The following DNAH9 variants were observed in gnomAD, a reference collection of about 807,000 sequenced individuals.
DNAH9 encodes the protein dynein axonemal heavy chain 9.
Under a neutral mutation model 471.6 loss-of-function variants are expected in DNAH9, and 345 were observed. That is an observed-to-expected ratio of 0.73 (90% CI 0.67 to 0.80). DNAH9 has a LOEUF of 0.80. Among genes scored for constraint, DNAH9 ranks in the 30% least tolerant of loss-of-function variants. DNAH9 has a pLI of 0.00. For synonymous variants in DNAH9, 2,093 were observed against 2,123.6 expected (o/e 0.99, Z 0.40); for missense variants, 5,407 against 5,609.2 (o/e 0.96, Z 1.15).
In DNAH9 at chr17:11,809,423, C is replaced by T. The variant is rs896827998; in HGVS notation, c.8584-823C>T. ...TACAACAAAAATACAAAAAATTAGC[C>T]GGGCGTTGTGGCACGCACCTGTAGA... is the stretch of plus-strand genomic sequence containing the variant. On this transcript the variant is annotated intron_variant, in intron 44 of 68. Coordinates refer to ENST00000262442, the MANE Select transcript of DNAH9 (RefSeq NM_001372.4). Among the ~76,000 whole-genome samples the T allele has an allele frequency of 1.5e-3, 225 of 151,918 alleles. 7 individuals carry two copies. The highest frequency in any genetic ancestry group is 0.014 in the Admixed American group (220 of 15,240).
chr17:11,665,100 C>A, intron 15 of DNAH9, 132 bp downstream of exon 15: 1 of 742,224 alleles, frequency 1.3e-6, no homozygotes, highest in Non-Finnish European at 2.2e-6. Flanking sequence ...GTGAATGATG[C>A]ACAGGAAAAC....
intron 45 of DNAH9, among the ~76,000 whole-genome samples, chr17:11,812,841 A>G (rs983711882): frequency 1.4e-4 from 22 of 152,186 alleles, no homozygotes; most frequent in African/African-American, 5.3e-4. Flanking sequence ...AATCTACAAC[A>G]TAGCCTCATC....
chr17:11,611,744 C>A lies in DNAH9; in HGVS notation c.868C>A (p.Pro290Thr). 6.2e-7 allele frequency: 1 copy of A among 1,614,132 alleles called. No homozygotes were observed. The highest frequency in any genetic ancestry group is 8.5e-7 in the Non-Finnish European group (1 of 1,179,936). The change falls in exon 4 of 69, where the codon CCA becomes ACA. Residue 290 changes from proline to threonine, a missense_variant. By Grantham distance (38) the Pro-to-Thr change is conservative. Transcript: ENST00000262442. ...LLDKLQSSYF[P>T]AFKAMYRDVV... ...GGACAAGCTTCAGAGTAGCTACTTT[C>A]CAGCTTTCAAAGCCATGTACAGAGA... is the stretch of plus-strand genomic sequence containing the variant.
Position 11,699,621 on chromosome 17 carries a change from C to A in DNAH9, c.4873-110C>A, listed in dbSNP as rs911630572. On this transcript the variant is annotated intron_variant, in intron 22 of 68. Transcript: ENST00000262442. ...AAACTTCCTTCTAAATGCTTGGTAT[C>A]CACCACTCTGTCTTTCACAATGATT... 7.6e-6 allele frequency: 7 copies of A among 924,272 alleles called. No homozygotes were observed. The Admixed American group carries it at 7.8e-5, about 10-fold the overall frequency. 57.3% of individuals were successfully genotyped at this position (924,272 alleles called of 1,614,324 possible).
At position 11,900,503 on chromosome 17, in the gene DNAH9, C is replaced by CAAAA. The variant is rs71367356; in HGVS notation, c.11407-2203_11407-2200dup. Among the ~76,000 whole-genome samples, 75 of 108,118 alleles carry CAAAA rather than the reference C, an allele frequency of 6.9e-4. 4 individuals are homozygous for CAAAA. The highest frequency in any genetic ancestry group is 3.6e-3 in the Admixed American group (32 of 8,790). 70.9% of individuals were successfully genotyped at this position (108,118 alleles called of 152,430 possible). A position where few individuals can be genotyped will look rare whatever the true frequency, so the allele number is the denominator to read the frequency against. Reference sequence around the variant, plus strand: ...TAGCTCTTCTTGATCCTTCCCCTGCCAAAAAAAAAAAAAAAATTCCCTTTC... The same window carrying CAAAA: ...TAGCTCTTCTTGATCCTTCCCCTGCCAAAAAAAAAAAAAAAAAAAATTCCCTTTC... On this transcript the variant is annotated intron_variant, in intron 59 of 68. Coordinates refer to ENST00000262442, the MANE Select transcript of DNAH9 (RefSeq NM_001372.4).
At chr17:11,663,303 C>G (rs1202418023) in intron 14 of DNAH9, among the ~76,000 whole-genome samples, 1 of 152,226 alleles carries the variant, frequency 6.6e-6, no homozygotes, top group Non-Finnish European at 1.5e-5. Context: ...CAGTCAGACT[C>G]AAGAGGAGCC....
chr17:11,858,764 T>G (rs1307125908), intron 50 of DNAH9, among the ~76,000 whole-genome samples: 2 of 152,160 alleles, frequency 1.3e-5, no homozygotes, highest in Non-Finnish European at 2.9e-5. Context: ...TTTATTAGGT[T>G]AGCACAGAAG....
intron 67 of DNAH9, among the ~76,000 whole-genome samples, chr17:11,946,539 C>T (rs1259092301): frequency 6.6e-6 from 1 of 151,436 alleles, no homozygotes; most frequent in Non-Finnish European, 1.5e-5. Context: ...TGGCAGGCAC[C>T]TGTAGTCCCA....
At chr17:11,639,292 G>C (rs2073222033) in intron 9 of DNAH9, among the ~76,000 whole-genome samples, 2 of 152,190 alleles carry the variant, frequency 1.3e-5, no homozygotes, top group African/African-American at 2.4e-5. Flanking sequence ...GGGAAGGGTG[G>C]TACCCGCGGT....
At chr17:11,949,515 C>T (rs1369492345) in intron 67 of DNAH9, among the ~76,000 whole-genome samples, 1 of 150,348 alleles carries the variant, frequency 6.7e-6, no homozygotes, top group Non-Finnish European at 1.5e-5. Context: ...GAGTTTTGCT[C>T]TTGTTGTCCA....
intron 50 of DNAH9, among the ~76,000 whole-genome samples, chr17:11,855,157 C>A (rs899164659): frequency 4.6e-5 from 7 of 152,042 alleles, no homozygotes; most frequent in African/African-American, 7.2e-5. Context: ...CCACCTCAGC[C>A]TCCCAAAGTG....
intron 33 of DNAH9, among the ~76,000 whole-genome samples, chr17:11,754,701 C>T (rs1967301804): frequency 6.6e-6 from 1 of 151,982 alleles, no homozygotes; most frequent in Admixed American, 6.6e-5. Flanking sequence ...CATAAATTTG[C>T]TTAAGTTCCT....
intron 67 of DNAH9, among the ~76,000 whole-genome samples, chr17:11,946,577 T>C (rs1975132158): frequency 6.9e-6 from 1 of 144,772 alleles, no homozygotes; most frequent in East Asian, 2.0e-4. Context: ...GGCAGGAGAA[T>C]GGCGTGAACC....
chr17:11,946,676 A>G (rs1028620950), intron 67 of DNAH9, among the ~76,000 whole-genome samples: 9 of 151,276 alleles, frequency 5.9e-5, no homozygotes, highest in African/African-American at 1.2e-4. Context: ...AAAAAAAAAA[A>G]AAAAGAAAAA....
Position 11,942,347 on chromosome 17 carries a change from GT to G in DNAH9, c.12708del (p.Phe4236LeufsTer6). ...AAATATTGGAGCGGGTGACAGACGAGTTTAACATCCCAGAACTGATGGCCAA... is the reference window on the plus strand; with the variant it reads ...AAATATTGGAGCGGGTGACAGACGAGTTAACATCCCAGAACTGATGGCCAA... Reference protein sequence around the residue: ...EEILERVTDEFNIPELMAKVE... With the variant: ...EEILERVTDEXNIPELMAKVE... On this transcript the variant is annotated frameshift_variant, in exon 67 of 69. Coordinates refer to ENST00000262442, the MANE Select transcript of DNAH9 (RefSeq NM_001372.4). LOFTEE classifies it high-confidence loss of function. 6.2e-7 allele frequency: 1 copy of G among 1,614,188 alleles called. No individual in the cohort carries two copies. The highest frequency in any genetic ancestry group is 8.5e-7 in the Non-Finnish European group (1 of 1,180,022).
In DNAH9 at chr17:11,695,384, T is replaced by C. The variant is rs138386917; in HGVS notation, c.4872+937T>C. 2.1e-3 allele frequency among the ~76,000 whole-genome samples: 316 copies of C among 152,264 alleles called. 1 individual carries two copies. The highest frequency in any genetic ancestry group is 7.0e-3 in the African/African-American group (289 of 41,552). ...TACTGGCCAAACTCGATAGCTAAAATTTCTATAGGGAGATAAGATTGGAAG... is the reference window on the plus strand; with the variant it reads ...TACTGGCCAAACTCGATAGCTAAAACTTCTATAGGGAGATAAGATTGGAAG... On this transcript the variant is annotated intron_variant, in intron 22 of 68. Transcript: ENST00000262442.
At chr17:11,771,513 GGC>G (rs1968203692) in intron 38 of DNAH9, among the ~76,000 whole-genome samples, 1 of 152,104 alleles carries the variant, frequency 6.6e-6, no homozygotes, top group African/African-American at 2.4e-5. Flanking sequence ...ATAAACCACT[GGC>G]TTAGTCCTTA....
At chr17:11,616,393 A>G (rs887003523) in intron 4 of DNAH9, among the ~76,000 whole-genome samples, 1 of 152,140 alleles carries the variant, frequency 6.6e-6, no homozygotes, top group Non-Finnish European at 1.5e-5. Flanking sequence ...CTGCTCTCAT[A>G]TGATACCACC....
chr17:11,635,751 T>G (rs555218400), intron 8 of DNAH9, among the ~76,000 whole-genome samples: 65 of 152,242 alleles, frequency 4.3e-4, no homozygotes, highest in African/African-American at 1.5e-3. Flanking sequence ...GCATTTCACA[T>G]CTTGATTTTG....
Sources: allele counts gnomAD v4.1 joint callset (sites outside exome capture counted in the v4.1 genomes callset), GRCh38; gene constraint gnomAD v4.1.1; transcripts MANE v1.5; gene names NCBI Gene and HGNC (gene_info 2026-07-23, HGNC 2026-07-21).